Variants in NRG1 observed in about 807,000 individuals in gnomAD.
The protein encoded by NRG1 is neuregulin 1.
In NRG1, 18 loss-of-function variants were observed where a neutral mutation model predicts 63.8. The ratio of observed to expected loss-of-function variants is 0.28; its 90% CI spans 0.19 to 0.42. The LOEUF is 0.42. Ranked by LOEUF, NRG1 falls within the 10% of genes least tolerant of loss-of-function variation. NRG1 has a pLI of 1.00. For synonymous variants in NRG1, 302 were observed against 301.3 expected, an observed-to-expected ratio of 1.00 and a Z score of -0.02; for missense variants, 762 against 814.7, an observed-to-expected ratio of 0.94 and a Z score of 0.79.
chr8:32,377,980 G>A (rs1051261088), intron 1 of NRG1, among the ~76,000 whole-genome samples: 2 of 152,110 alleles, frequency 1.3e-5, no homozygotes, highest in African/African-American at 4.8e-5. Flanking sequence ...TTTGAAATGA[G>A]CACTCTGAAT....
chr8:32,118,016 T>G (rs1038617465), intron 1 of NRG1, among the ~76,000 whole-genome samples: 5 of 152,160 alleles, frequency 3.3e-5, no homozygotes, highest in African/African-American at 1.2e-4. Context: ...TTTACCCTAT[T>G]ACTCAAATCC....
chr8:32,215,186 G>A (rs1339152882), intron 1 of NRG1, among the ~76,000 whole-genome samples: 2 of 152,162 alleles, frequency 1.3e-5, no homozygotes, highest in Non-Finnish European at 2.9e-5. Flanking sequence ...AGAATAAATT[G>A]TAACATCTTG....
intron 1 of NRG1, among the ~76,000 whole-genome samples, chr8:32,485,814 T>A (rs1198726900): frequency 6.6e-6 from 1 of 152,220 alleles, no homozygotes; most frequent in African/African-American, 2.4e-5. Flanking sequence ...TCATAATACG[T>A]CTTATTTAGG....
Position 32,728,092 on chromosome 8 carries a change from T to A in NRG1, c.632+14T>A, listed in dbSNP as rs1454783420. The stretch of plus-strand genomic sequence containing the variant: ...ATACTTGTGCAAGTAAGAAAAGAAA[T>A]CCTGTGTGTCGCTTATGTCTATAAC... On this transcript the variant is annotated intron_variant, in intron 6 of 11. Coordinates refer to ENST00000356819, the Ensembl canonical transcript of NRG1. The A allele has an allele frequency of 1.9e-6, 3 of 1,613,792 alleles. No homozygotes were observed. In the Admixed American group the frequency reaches 5.0e-5, roughly 27 times the overall value.
At chr8:32,624,294 C>T (rs1293076999) in intron 5 of NRG1, among the ~76,000 whole-genome samples, 1 of 152,168 alleles carries the variant, frequency 6.6e-6, no homozygotes, top group African/African-American at 2.4e-5. Context: ...TGAGTGGGGG[C>T]TGGGGCACAT....
intron 1 of NRG1, among the ~76,000 whole-genome samples, chr8:31,788,684 T>C (rs1405917337): frequency 6.6e-6 from 1 of 152,184 alleles, no homozygotes; most frequent in Non-Finnish European, 1.5e-5. Context: ...CCTCTTGAAT[T>C]TGCTAAGGAA....
In NRG1 at chr8:31,640,860, G is replaced by C. The variant is rs35648426; in HGVS notation, c.37+1429G>C. 7.2e-7 allele frequency: 1 copy of C among 1,390,232 alleles called. No individual in the cohort carries two copies. The highest frequency in any genetic ancestry group is 1.5e-5 in the African/African-American group (1 of 65,872). 86.1% of individuals were successfully genotyped at this position (1,390,232 alleles called of 1,614,324 possible). The stretch of plus-strand genomic sequence containing the variant: ...GGGTCCCAGTTGTTGGTTTCAGGGT[G>C]GTGGGTTCTCAGCGATCCTCAGAGA... On this transcript the variant is annotated intron_variant, in intron 1 of 10. Transcript: ENST00000519301. This position sits in a 1 kb window ranked among gnomAD's most constrained non-coding sequence, Gnocchi z 6.3.
chr8:32,729,010 G>A (rs1471625987), intron 6 of NRG1, among the ~76,000 whole-genome samples: 2 of 152,208 alleles, frequency 1.3e-5, no homozygotes, highest in African/African-American at 2.4e-5. Flanking sequence ...GGAGCTTGCA[G>A]TGAGCCGAGA....
intron 1 of NRG1, among the ~76,000 whole-genome samples, chr8:32,124,427 C>T (rs1033009955): frequency 1.3e-5 from 2 of 151,864 alleles, no homozygotes; most frequent in Non-Finnish European, 1.5e-5. Context: ...TCCCAACAAA[C>T]AGTGAACTCA....
intron 1 of NRG1, among the ~76,000 whole-genome samples, chr8:31,734,404 C>T (rs1814440827): frequency 1.3e-5 from 2 of 152,102 alleles, no homozygotes; most frequent in Non-Finnish European, 2.9e-5. Context: ...GCATCAGAGT[C>T]AAAAGAATGA....
rs370869678 is a variant in NRG1, at chr8:31,691,379, G to A, written c.37+51948G>A. 2.2e-4 allele frequency among the ~76,000 whole-genome samples: 33 copies of A among 152,042 alleles called. No homozygotes were observed. The East Asian group carries it at 4.6e-3, about 21-fold the overall frequency. On this transcript the variant is annotated intron_variant, in intron 1 of 10. Transcript: ENST00000519301. Reference sequence around the variant, plus strand: ...TCCCAGCACTTTGGGAGGCTGAGGCGGGCGGATCTCGAGGTCAGGAGTTCG... The same window carrying A: ...TCCCAGCACTTTGGGAGGCTGAGGCAGGCGGATCTCGAGGTCAGGAGTTCG...
chr8:32,184,090 ATG>A (rs34898466), intron 1 of NRG1, among the ~76,000 whole-genome samples: 110,193 of 145,378 alleles, frequency 0.76, 40,807 homozygotes, highest in African/African-American at 0.83. Flanking sequence ...CTATATATGT[ATG>A]TGTGTGTGTG....
At chr8:32,743,933 T>A (rs1826961837) in intron 7 of NRG1, among the ~76,000 whole-genome samples, 2 of 152,064 alleles carry the variant, frequency 1.3e-5, no homozygotes, top group South Asian at 4.1e-4. Context: ...AAAACAGCTG[T>A]AAACAATGCA....
At chr8:32,614,669 C>T (rs1180287798) in intron 4 of NRG1, 105 bp downstream of exon 4, 9 of 1,009,446 alleles carry the variant, frequency 8.9e-6, no homozygotes, top group Non-Finnish European at 1.5e-6. Flanking sequence ...GACCTCTCAG[C>T]TGCTCTTGTT....
rs147338524 is a variant in NRG1 at position 31,658,749 on chromosome 8, C to T, written c.37+19318C>T. 3.1e-3 allele frequency among the ~76,000 whole-genome samples: 473 copies of T among 152,222 alleles called. 3 individuals are homozygous for T. The highest frequency in any genetic ancestry group is 5.3e-3 in the Non-Finnish European group (362 of 68,016). On this transcript the variant is annotated intron_variant, in intron 1 of 10. Transcript: ENST00000519301. ...AAGTGCTGAGATGACAGGTATGAGC[C>T]GCCACACCTGGCCACAGTAAGTACC...
At chr8:32,747,040 T>C (rs955887080) in intron 7 of NRG1, among the ~76,000 whole-genome samples, 7 of 151,988 alleles carry the variant, frequency 4.6e-5, no homozygotes, top group African/African-American at 7.2e-5. Context: ...CAATTTCCCA[T>C]TGAATTATTT....
intron 5 of NRG1, among the ~76,000 whole-genome samples, chr8:32,656,032 C>A (rs1801408098): frequency 6.6e-6 from 1 of 151,970 alleles, no homozygotes; most frequent in African/African-American, 2.4e-5. Context: ...GAGTTGTTTT[C>A]AGCATTTGAC....
downstream of NRG1, among the ~76,000 whole-genome samples, chr8:32,768,932 A>G (rs1199744324): frequency 6.6e-6 from 1 of 152,216 alleles, no homozygotes; most frequent in Admixed American, 6.5e-5. Context: ...CTGGATGTCC[A>G]GGAAATTTAA....
chr8:32,383,496 C>A (rs1299852401), intron 1 of NRG1, among the ~76,000 whole-genome samples: 2 of 152,092 alleles, frequency 1.3e-5, no homozygotes, highest in African/African-American at 4.8e-5. Context: ...CTCCTTTTTC[C>A]CACCTGTGAA....
Sources: gnomAD v4.1 joint callset for allele counts (sites outside exome capture counted in the v4.1 genomes callset) on GRCh38, gnomAD v4.1.1 for gene constraint, Gnocchi (gnomAD v3.1) non-coding constraint, MANE v1.5 for transcripts, NCBI Gene and HGNC (gene_info 2026-07-23, HGNC 2026-07-21) for gene names.